Variants in GET1 observed in about 807,000 individuals in gnomAD.
The protein encoded by GET1 is congenital heart disease 5 protein.
A neutral mutation model predicts 22.6 loss-of-function variants in GET1; 20 were observed. The ratio of observed to expected loss-of-function variants is 0.89; its 90% CI spans 0.62 to 1.29. The LOEUF is 1.29. Ranked by LOEUF, GET1 falls within the 50% of genes most tolerant of loss-of-function variation. The pLI, the probability that GET1 is intolerant of heterozygous loss-of-function variation, is 0.00. For synonymous variants in GET1, 92 were observed against 83.8 expected (o/e 1.10, Z -0.53); for missense variants, 209 against 219.9 (o/e 0.95, Z 0.31).
chr21:39,418,867 AT>A (rs2041777013), intron 1 of GET1, among the ~76,000 whole-genome samples: 1 of 152,094 alleles, frequency 6.6e-6, no homozygotes, highest in Admixed American at 6.6e-5. Context: ...CATAAAATTT[AT>A]TTTAAAATTC....
At chr21:39,411,598 A>G (rs568116559), downstream of GET1, 5 of 502,606 alleles carry the variant, frequency 9.9e-6, 1 homozygote, top group South Asian at 2.0e-4. Flanking sequence ...GAATCACAAA[A>G]TGTATTTTAA....
chr21:39,427,306 T>A (rs1265559920), intron 1 of GET1, among the ~76,000 whole-genome samples: 1 of 152,060 alleles, frequency 6.6e-6, no homozygotes, highest in Non-Finnish European at 1.5e-5. Context: ...AGAAAGGAGA[T>A]CAAAGATAAC....
chr21:39,428,298 C>A, exon 2 of GET1: 1 of 1,612,118 alleles, frequency 6.2e-7, no homozygotes, highest in African/African-American at 1.3e-5. Flanking sequence ...TCTGAATAAT[C>A]ATACTGAGAA....
intron 4 of GET1, among the ~76,000 whole-genome samples, chr21:39,395,314 T>C (rs1305883550): frequency 6.6e-6 from 1 of 152,174 alleles, no homozygotes; most frequent in Non-Finnish European, 1.5e-5. Context: ...TGCTGGTCTT[T>C]GGTTGTGATT....
At chr21:39,401,394 A>C (rs2038835271), downstream of GET1, among the ~76,000 whole-genome samples, 2 of 152,094 alleles carry the variant, frequency 1.3e-5, no homozygotes, top group Non-Finnish European at 2.9e-5. Flanking sequence ...AAATATTGAG[A>C]GGTATAAAAT....
intron 4 of GET1, 76 bp from the exon 5 acceptor site, chr21:39,396,790 T>A: frequency 7.6e-7 from 1 of 1,315,266 alleles, no homozygotes; most frequent in Non-Finnish European, 1.1e-6. Context: ...CTCTTTGCTG[T>A]GAGTTAAAGA....
At chr21:39,422,704 A>T in intron 1 of GET1, 1 of 521,632 alleles carries the variant, frequency 1.9e-6, no homozygotes, top group South Asian at 3.3e-5. Context: ...GCTCTCTTAG[A>T]GAATGGTCAT....
At chr21:39,380,592 G>A in intron 1 of GET1, 106 bp downstream of exon 1, 1 of 1,518,028 alleles carries the variant, frequency 6.6e-7, no homozygotes, top group Non-Finnish European at 8.8e-7. Context: ...GAAGGCCGTA[G>A]TAGCGTCTTG....
chr21:39,385,879 C>T (rs1267951007), intron 1 of GET1, among the ~76,000 whole-genome samples: 2 of 152,002 alleles, frequency 1.3e-5, no homozygotes, highest in Non-Finnish European at 2.9e-5. Context: ...AGGACTGGCG[C>T]GGGCTCAGAG....
rs2038244442 is a variant in GET1 at position 39,390,690 on chromosome 21, C to T, written c.103-8C>T. ...GAAGGTGCTGATCCCCGTTGTCCGCCCTGCCAGATGTCCAGGGTGCTGCAG... is the reference window on the plus strand; with the variant it reads ...GAAGGTGCTGATCCCCGTTGTCCGCTCTGCCAGATGTCCAGGGTGCTGCAG... On this transcript the variant is annotated splice_polypyrimidine_tract_variant and splice_region_variant and intron_variant, in intron 1 of 4. Transcript: ENST00000649170. 1.2e-6 allele frequency: 2 copies of T among 1,613,980 alleles called. No homozygotes were observed. The highest frequency in any genetic ancestry group is 3.3e-5 in the Admixed American group (2 of 60,014).
chr21:39,390,605 T>C, intron 1 of GET1, 93 bp from the exon 2 acceptor site: 1 of 1,501,506 alleles, frequency 6.7e-7, no homozygotes, highest in South Asian at 1.3e-5. Context: ...GGTCACAGAG[T>C]GGTCAGGGCA....
Position 39,390,820 on chromosome 21 carries a change from G to A in GET1, c.225G>A (p.Leu75=), listed in dbSNP as rs1401700633. 1.2e-6 allele frequency: 2 copies of A among 1,614,162 alleles called. No homozygotes were observed. The stretch of plus-strand genomic sequence containing the variant: ...ACGAGTTTGCCAGATATGCCAGGCT[G>A]GAAAGAAAGATCAACAAGATGACGG... ...MMDEFARYAR[L]ERKINKMTDK... The change falls in exon 2 of 5, where the codon CTG becomes CTA. Residue 75 remains leucine, a synonymous_variant. Transcript: ENST00000649170.
exon 5 of GET1, chr21:39,406,388 C>T (rs1347655099): frequency 1.9e-6 from 3 of 1,613,588 alleles, no homozygotes; most frequent in South Asian, 2.2e-5. Context: ...AGTGTGTCAT[C>T]CACACCATTT....
At chr21:39,388,283 G>C (rs1166734462) in intron 1 of GET1, among the ~76,000 whole-genome samples, 2 of 152,164 alleles carry the variant, frequency 1.3e-5, no homozygotes, top group African/African-American at 2.4e-5. Flanking sequence ...TGGGAGTATC[G>C]CTTGAGCCCA....
At chr21:39,394,923 G>A (rs998830011) in intron 4 of GET1, among the ~76,000 whole-genome samples, 2 of 151,842 alleles carry the variant, frequency 1.3e-5, no homozygotes, top group East Asian at 3.9e-4. Flanking sequence ...GCCCAGGCTG[G>A]CAGTGGCACC....
chr21:39,416,895 C>T (rs1179897859), intron 1 of GET1, among the ~76,000 whole-genome samples: 1 of 152,154 alleles, frequency 6.6e-6, no homozygotes, highest in African/African-American at 2.4e-5. Context: ...CTTGGAATGG[C>T]TTCTTTCTGT....
chr21:39,388,820 C>G (rs77914763), intron 1 of GET1, among the ~76,000 whole-genome samples: 8,578 of 152,252 alleles, frequency 0.056, 322 homozygotes, highest in Non-Finnish European at 0.082. Flanking sequence ...GTGGCCGGGC[C>G]GTTCCCTGGA....
At chr21:39,428,295 AATC>A in exon 2 of GET1, 1 of 1,611,976 alleles carries the variant, frequency 6.2e-7, no homozygotes, top group Non-Finnish European at 8.5e-7. Context: ...TCTTCTGAAT[AATC>A]ATACTGAGAA....
intron 1 of GET1, among the ~76,000 whole-genome samples, chr21:39,418,613 G>A (rs1220152499): frequency 6.6e-6 from 1 of 152,016 alleles, no homozygotes; most frequent in Admixed American, 6.6e-5. Flanking sequence ...CAATTCTCCT[G>A]CCTCAGCCTC....
Sources: allele counts gnomAD v4.1 joint callset (sites outside exome capture counted in the v4.1 genomes callset), GRCh38; gene constraint gnomAD v4.1.1; transcripts MANE v1.5; gene names NCBI Gene and HGNC (gene_info 2026-07-23, HGNC 2026-07-21).